Variants in SHISA6 observed in about 807,000 individuals in gnomAD.
SHISA6 encodes shisa family member 6.
SHISA6 carries 22 observed loss-of-function variants against 47.9 expected under a neutral mutation model. The ratio of observed to expected loss-of-function variants is 0.46; its 90% CI spans 0.33 to 0.66. SHISA6 has a LOEUF of 0.66. Ranked by LOEUF, SHISA6 falls within the 30% of genes least tolerant of loss-of-function variation. SHISA6 has a pLI of 0.02. For synonymous variants in SHISA6, 388 were observed against 337.8 expected (o/e 1.15, Z -1.63); for missense variants, 680 against 764.6 (o/e 0.89, Z 1.30).
intron 2 of SHISA6, among the ~76,000 whole-genome samples, chr17:11,277,276 TCTCTCACACA>T (rs1276686812): frequency 3.2e-5 from 2 of 62,700 alleles, no homozygotes; most frequent in South Asian, 7.9e-4. Context: ...TCTCTCTCTC[TCTCTCACACA>T]CACACACACA....
chr17:11,346,377 G>A (rs1194174725), intron 2 of SHISA6, among the ~76,000 whole-genome samples: 4 of 152,172 alleles, frequency 2.6e-5, no homozygotes, highest in African/African-American at 9.7e-5. Context: ...ACTCTGCTAA[G>A]ATTATCTGCA....
At chr17:11,550,057 A>ATT (rs748483009) in intron 3 of SHISA6, among the ~76,000 whole-genome samples, 5 of 142,872 alleles carry the variant, frequency 3.5e-5, no homozygotes, top group African/African-American at 1.0e-4. Flanking sequence ...TGTGCTTGAC[A>ATT]TTTTTTTTTT....
chr17:11,273,151 G>A (rs1908743911), intron 2 of SHISA6, among the ~76,000 whole-genome samples: 2 of 152,300 alleles, frequency 1.3e-5, no homozygotes, highest in Non-Finnish European at 1.5e-5. Context: ...CATAGATGAG[G>A]AAACAGGTTC....
intron 3 of SHISA6, among the ~76,000 whole-genome samples, chr17:11,393,033 A>G (rs1913440750): frequency 1.3e-5 from 2 of 152,212 alleles, no homozygotes; most frequent in South Asian, 4.1e-4. Flanking sequence ...ATTTGCCCCT[A>G]AGCCTATTGT....
intron 3 of SHISA6, among the ~76,000 whole-genome samples, chr17:11,456,186 C>T (rs1029756965): frequency 6.6e-6 from 1 of 152,060 alleles, no homozygotes; most frequent in Non-Finnish European, 1.5e-5. Context: ...GACGGAGGAC[C>T]GGAGGGAGGG....
chr17:11,543,910 C>CAA (rs200573876), intron 3 of SHISA6, among the ~76,000 whole-genome samples: 1,531 of 96,332 alleles, frequency 0.016, 81 homozygotes, highest in African/African-American at 0.05. Context: ...TATTTATAAG[C>CAA]AAAAAAAAAA....
intron 2 of SHISA6, among the ~76,000 whole-genome samples, chr17:11,343,499 A>G (rs1911602518): frequency 6.6e-6 from 1 of 152,192 alleles, no homozygotes; most frequent in Non-Finnish European, 1.5e-5. Flanking sequence ...GCTGGTTACA[A>G]CCATGGAACA....
At chr17:11,431,168 C>T (rs180879188) in intron 3 of SHISA6, among the ~76,000 whole-genome samples, 70 of 152,258 alleles carry the variant, frequency 4.6e-4, no homozygotes, top group East Asian at 4.5e-3. Context: ...ATCAGCCCAG[C>T]AGCTTGTTCT....
chr17:11,317,528 GTTGT>G (rs964640992), intron 2 of SHISA6, among the ~76,000 whole-genome samples: 3 of 149,616 alleles, frequency 2.0e-5, no homozygotes, highest in Non-Finnish European at 3.0e-5. Flanking sequence ...ATATTTGGTG[GTTGT>G]TTGTTTTTAC....
chr17:11,329,482 C>T (rs1424755232), intron 2 of SHISA6, among the ~76,000 whole-genome samples: 2 of 152,102 alleles, frequency 1.3e-5, no homozygotes, highest in Non-Finnish European at 2.9e-5. Context: ...CCAATTAATA[C>T]ATTTTTGGCC....
chr17:11,401,973 A>G (rs1005913741), intron 3 of SHISA6, among the ~76,000 whole-genome samples: 1 of 152,172 alleles, frequency 6.6e-6, no homozygotes, highest in Non-Finnish European at 1.5e-5. Context: ...GGAAACCACA[A>G]TGAACACTCC....
At chr17:11,270,451 C>T (rs2142152123) in intron 2 of SHISA6, among the ~76,000 whole-genome samples, 1 of 152,312 alleles carries the variant, frequency 6.6e-6, no homozygotes, top group South Asian at 2.1e-4. Context: ...CACAGTAAGA[C>T]AAACCAAAGA....
chr17:11,338,815 C>T (rs1488420208), intron 2 of SHISA6, among the ~76,000 whole-genome samples: 3 of 152,124 alleles, frequency 2.0e-5, no homozygotes, highest in Non-Finnish European at 4.4e-5. Context: ...ATCTTGCTTC[C>T]TCACAGATTA....
At chr17:11,279,172 G>A (rs577545991) in intron 2 of SHISA6, among the ~76,000 whole-genome samples, 1 of 152,118 alleles carries the variant, frequency 6.6e-6, no homozygotes, top group African/African-American at 2.4e-5. Flanking sequence ...GGGCTTGCAG[G>A]TCTTCCTCGG....
intron 3 of SHISA6, among the ~76,000 whole-genome samples, chr17:11,452,332 C>T (rs905189657): frequency 1.3e-5 from 2 of 152,166 alleles, no homozygotes; most frequent in Non-Finnish European, 2.9e-5. Context: ...AAACCTTTGT[C>T]CCCCATGTGC....
chr17:11,301,101 C>T (rs1031789056), intron 2 of SHISA6, among the ~76,000 whole-genome samples: 1 of 152,172 alleles, frequency 6.6e-6, no homozygotes, highest in Admixed American at 6.5e-5. Flanking sequence ...GGGCCTTCCA[C>T]GTCTAGCTGT....
At chr17:11,327,613 A>G (rs942369156) in intron 2 of SHISA6, among the ~76,000 whole-genome samples, 1 of 152,218 alleles carries the variant, frequency 6.6e-6, no homozygotes, top group Admixed American at 6.5e-5. Context: ...ACTGGCCAAC[A>G]GGGCAAAACC....
intron 3 of SHISA6, among the ~76,000 whole-genome samples, chr17:11,491,804 C>T (rs907375690): frequency 5.4e-5 from 8 of 147,398 alleles, no homozygotes; most frequent in African/African-American, 2.0e-4. Flanking sequence ...CAGAGTCTCC[C>T]TCTGTCGCCC....
At chr17:11,396,190 T>C (rs1000815667) in intron 3 of SHISA6, among the ~76,000 whole-genome samples, 1 of 152,222 alleles carries the variant, frequency 6.6e-6, no homozygotes, top group Admixed American at 6.5e-5. Context: ...ATAATTTAAA[T>C]GGATTTCCTA....
Sources: allele counts gnomAD v4.1 joint callset (sites outside exome capture counted in the v4.1 genomes callset), GRCh38; gene constraint gnomAD v4.1.1; transcripts MANE v1.5; gene names NCBI Gene and HGNC (gene_info 2026-07-23, HGNC 2026-07-21).